Variants in CLIP2 observed in about 807,000 individuals in gnomAD.
CLIP2 encodes the protein CAP-Gly domain-containing linker protein 2.
Under a neutral mutation model 111.7 loss-of-function variants are expected in CLIP2, and 41 were observed. That is an observed-to-expected ratio of 0.37 (90% CI 0.29 to 0.48). The LOEUF (loss-of-function observed/expected upper bound fraction) is 0.48. CLIP2 is among the 20% of genes least tolerant of loss of function. The pLI, the probability that CLIP2 is intolerant of heterozygous loss-of-function variation, is 0.99. For missense variants in CLIP2, 1,160 were observed against 1,422.1 expected, an observed-to-expected ratio of 0.82 and a Z score of 2.96; for synonymous variants, 660 against 644.2, an observed-to-expected ratio of 1.02 and a Z score of -0.37.
intron 1 of CLIP2, among the ~76,000 whole-genome samples, chr7:74,302,075 TGG>T (rs1199854072): frequency 6.6e-6 from 1 of 152,152 alleles, no homozygotes; most frequent in Admixed American, 6.6e-5. Flanking sequence ...CCTTTTTTTG[TGG>T]CTGGTGGTTC....
chr7:74,360,382 T>G (rs1330985796), intron 7 of CLIP2, 104 bp downstream of exon 7: 1 of 767,384 alleles, frequency 1.3e-6, no homozygotes, highest in Non-Finnish European at 2.1e-6. Flanking sequence ...CCTGCCCCTG[T>G]CACTGCCTCT....
At chr7:74,340,758 C>T (rs1435972984) in intron 3 of CLIP2, among the ~76,000 whole-genome samples, 2 of 152,064 alleles carry the variant, frequency 1.3e-5, no homozygotes, top group Non-Finnish European at 2.9e-5. Flanking sequence ...TCATAGGGTA[C>T]AGGGAAGGCC....
Position 74,336,326 on chromosome 7 carries a change from G to A in CLIP2, c.122-2122G>A, listed in dbSNP as rs183538145. On this transcript the variant is annotated intron_variant, in intron 2 of 16. Transcript: ENST00000223398. The stretch of plus-strand genomic sequence containing the variant: ...CAAGTGATCCGCCCACCTTGGCCCC[G>A]CAAAGTGCTGGGATTATAGGCGTGA... Among the ~76,000 whole-genome samples, 418 of 151,890 alleles carry A rather than the reference G, an allele frequency of 2.8e-3. 2 individuals carry two copies. The highest frequency in any genetic ancestry group is 6.8e-3 in the Middle Eastern group (2 of 292).
chr7:74,309,301 C>T (rs539567104), intron 1 of CLIP2, among the ~76,000 whole-genome samples: 8 of 151,710 alleles, frequency 5.3e-5, no homozygotes, highest in Non-Finnish European at 4.4e-5. Flanking sequence ...CATGATGAAA[C>T]CCCGTCTCTA....
At chr7:74,290,362 G>T (rs927593719) in intron 1 of CLIP2, among the ~76,000 whole-genome samples, 2 of 152,256 alleles carry the variant, frequency 1.3e-5, no homozygotes, top group African/African-American at 2.4e-5. Flanking sequence ...CCAAGCTGGC[G>T]CTGGTGGCTG....
chr7:74,387,897 A>G (rs1203688496), intron 12 of CLIP2, among the ~76,000 whole-genome samples: 1 of 152,148 alleles, frequency 6.6e-6, no homozygotes, highest in African/African-American at 2.4e-5. Context: ...TTTTAAAATT[A>G]TGCAGTGGAG....
In CLIP2 at chr7:74,352,426, G is replaced by A. The variant is rs183546597; in HGVS notation, c.679-1454G>A. On this transcript the variant is annotated intron_variant, in intron 3 of 16. Transcript: ENST00000223398. ...CACTCCAGCCTGGGCGACAGAGTGA[G>A]ACTCTGTCTTAAAACAAAAACAAAA... Among the ~76,000 whole-genome samples, 6 of 151,752 alleles carry A rather than the reference G, an allele frequency of 4.0e-5. No individual in the cohort carries two copies. In the East Asian group the frequency reaches 9.7e-4, roughly 25 times the overall value.
chr7:74,392,955 C>T (rs1554316085), intron 13 of CLIP2, among the ~76,000 whole-genome samples: 1 of 152,190 alleles, frequency 6.6e-6, no homozygotes, highest in Non-Finnish European at 1.5e-5. Context: ...GGCGTGGGCC[C>T]CCTGAGTCTC....
rs868930745 is a variant in CLIP2, at chr7:74,399,543, G to T, written c.2881-827G>T. 6.7e-3 allele frequency among the ~76,000 whole-genome samples: 142 copies of T among 21,064 alleles called. 1 individual carries two copies. The highest frequency in any genetic ancestry group is 0.026 in the South Asian group (15 of 568). The allele number at this position is 21,064 out of a possible 152,430, so 13.8% of individuals were successfully genotyped here. ...ATAGAGTGAGACTCAGTCTTTTTTT[G>T]GGGGGGGGGGGGTGGGGACCAAGTC... On this transcript the variant is annotated intron_variant, in intron 14 of 16. Coordinates refer to ENST00000223398, the MANE Select transcript of CLIP2 (RefSeq NM_003388.5).
chr7:74,373,994 TGA>T lies in CLIP2; in HGVS notation c.1485+960_1485+961del, dbSNP rs564923215. 4.8e-3 allele frequency among the ~76,000 whole-genome samples: 726 copies of T among 152,252 alleles called. 2 individuals carry two copies. The highest frequency in any genetic ancestry group is 0.01 in the Middle Eastern group (3 of 294). On this transcript the variant is annotated intron_variant, in intron 9 of 16. Transcript: ENST00000223398. ...CTTCCAGACTCCTAGGGCATGGTTC[TGA>T]GTCCCTGCTCCAGGCCCCACAGTCC...
At chr7:74,328,298 T>C (rs1789175903) in intron 2 of CLIP2, among the ~76,000 whole-genome samples, 1 of 152,156 alleles carries the variant, frequency 6.6e-6, no homozygotes, top group African/African-American at 2.4e-5. Context: ...ACCTCTGCCT[T>C]TGAGCACCTT....
At position 74,335,132 on chromosome 7, in the gene CLIP2, G is replaced by T. The variant is rs78067206; in HGVS notation, c.122-3316G>T. ...GTATTCTTATAATGAATAGCCCAGC[G>T]TGGTGGTGCATGCCTGTAATCCCAG... On this transcript the variant is annotated intron_variant, in intron 2 of 16. Coordinates refer to ENST00000223398, the MANE Select transcript of CLIP2 (RefSeq NM_003388.5). Among the ~76,000 whole-genome samples, 422 of 152,098 alleles carry T rather than the reference G, an allele frequency of 2.8e-3. 3 individuals are homozygous for T. Among genetic ancestry groups the T allele is most frequent in the African/African-American group, 9.6e-3 (400 of 41,500 alleles).
chr7:74,297,860 T>C (rs1788218027), intron 1 of CLIP2, among the ~76,000 whole-genome samples: 1 of 151,854 alleles, frequency 6.6e-6, no homozygotes, highest in Admixed American at 6.6e-5. Flanking sequence ...TCACCCAGGC[T>C]GGAGTGCAGT....
chr7:74,291,199 G>A (rs3911834), intron 1 of CLIP2, among the ~76,000 whole-genome samples: 2 of 152,112 alleles, frequency 1.3e-5, no homozygotes, highest in Admixed American at 6.6e-5. Context: ...GGTGGAGATG[G>A]AGAGGGGCTC....
intron 2 of CLIP2, among the ~76,000 whole-genome samples, chr7:74,328,921 A>G (rs1311414518): frequency 2.0e-5 from 3 of 148,560 alleles, no homozygotes; most frequent in East Asian, 2.0e-4. Context: ...TTATATATAT[A>G]TATATTTTTG....
At chr7:74,363,059 C>CA (rs1790377959) in intron 7 of CLIP2, among the ~76,000 whole-genome samples, 1 of 151,764 alleles carries the variant, frequency 6.6e-6, no homozygotes, top group Non-Finnish European at 1.5e-5. Flanking sequence ...GGCTGGAGTG[C>CA]AATGGCACGA....
At chr7:74,379,329 G>GA (rs879972818) in intron 10 of CLIP2, among the ~76,000 whole-genome samples, 3,649 of 129,774 alleles carry the variant, frequency 0.028, 135 homozygotes, top group African/African-American at 0.089. Context: ...ACTCCGTCTG[G>GA]AAAAAAAAAA....
At chr7:74,328,285 G>A (rs893989618) in intron 2 of CLIP2, among the ~76,000 whole-genome samples, 7 of 152,160 alleles carry the variant, frequency 4.6e-5, no homozygotes, top group African/African-American at 1.7e-4. Context: ...TCCTTCCTTC[G>A]TAACCTCTGC....
Position 74,338,845 on chromosome 7 carries a change from G to A in CLIP2, c.519G>A (p.Ser173=), listed in dbSNP as rs782704562. Residue 173 remains serine, a synonymous_variant, in exon 3 of 17, where the codon TCG becomes TCA. Transcript: ENST00000223398. This position sits in a 1 kb window ranked among gnomAD's most constrained non-coding sequence, Gnocchi z 4.3. ...SLTAQNLSLH[S]GTATPPLTSR... The stretch of plus-strand genomic sequence containing the variant: ...CTGCCCAGAACCTGTCATTGCATTC[G>A]GGCACGGCCACGCCCCCGCTGACCA... 6 of 1,610,072 alleles carry A rather than the reference G, an allele frequency of 3.7e-6. No homozygotes were observed. Among genetic ancestry groups the A allele is most frequent in the East Asian group, 4.5e-5 (2 of 44,884 alleles).
Sources: gnomAD v4.1 joint callset for allele counts (sites outside exome capture counted in the v4.1 genomes callset) on GRCh38, gnomAD v4.1.1 for gene constraint, Gnocchi (gnomAD v3.1) non-coding constraint, MANE v1.5 for transcripts, NCBI Gene and HGNC (gene_info 2026-07-23, HGNC 2026-07-21) for gene names.